The following ABCD3 variants were observed in gnomAD, a reference collection of about 807,000 sequenced individuals.
ABCD3 encodes the protein ATP-binding cassette sub-family D member 3.
Under a neutral mutation model 105.5 loss-of-function variants are expected in ABCD3, and 41 were observed. The observed-to-expected ratio is 0.39, with a 90% CI of 0.30 to 0.50. The LOEUF is 0.50. ABCD3 is among the 20% of genes least tolerant of loss of function. The probability of loss-of-function intolerance (pLI) is 0.84; values close to 1 mark genes in which losing one functional copy is unlikely to be tolerated. For synonymous variants in ABCD3, 258 were observed against 269.0 expected (o/e 0.96, Z 0.40); for missense variants, 622 against 806.3 (o/e 0.77, Z 2.77).
chr1:94,465,567 C>T (rs576383006), intron 3 of ABCD3, among the ~76,000 whole-genome samples: 2 of 152,208 alleles, frequency 1.3e-5, no homozygotes, highest in South Asian at 4.2e-4. Context: ...TAGTTAAATA[C>T]TGTTGATAAA....
At chr1:94,431,637 T>C (rs565813685) in intron 1 of ABCD3, among the ~76,000 whole-genome samples, 3 of 152,306 alleles carry the variant, frequency 2.0e-5, no homozygotes, top group Non-Finnish European at 4.4e-5. Flanking sequence ...CATGGCTCAC[T>C]GCAGCCTTGA....
In ABCD3 at chr1:94,518,244, ATTAT is replaced by A. The variant is rs1651017282; in HGVS notation, c.*1118_*1121del. Reference sequence around the variant, plus strand: ...CAAATCATCATTAATGACTTTATGTATTATTTGCACAGGGAGAATTGAAACTGAG... The same window carrying A: ...CAAATCATCATTAATGACTTTATGTATTGCACAGGGAGAATTGAAACTGAG... On this transcript the variant is annotated 3_prime_UTR_variant, in exon 23 of 23. Transcript: ENST00000370214. 1 of 152,264 alleles carries A rather than the reference ATTAT, an allele frequency of 6.6e-6. No individual in the cohort carries two copies. The highest frequency in any genetic ancestry group is 1.5e-5 in the Non-Finnish European group (1 of 67,822). 9.4% of individuals were successfully genotyped at this position (152,264 alleles called of 1,614,324 possible). A position where few individuals can be genotyped will look rare whatever the true frequency, so the allele number is the denominator to read the frequency against.
chr1:94,445,171 G>A (rs1346148575), intron 1 of ABCD3, among the ~76,000 whole-genome samples: 3 of 152,102 alleles, frequency 2.0e-5, no homozygotes, highest in Non-Finnish European at 2.9e-5. Context: ...CTCTGTTTGG[G>A]GCTCTCAGCT....
intron 2 of ABCD3, 41 bp from the exon 3 acceptor site, chr1:94,464,734 T>G (rs770731002): frequency 8.0e-6 from 12 of 1,493,584 alleles, no homozygotes; most frequent in Non-Finnish European, 1.1e-5. Context: ...ATGATATGTT[T>G]GTTATAGCTA....
chr1:94,475,544 T>A, intron 6 of ABCD3, 70 bp from the exon 7 acceptor site: 4 of 1,509,314 alleles, frequency 2.7e-6, no homozygotes, highest in East Asian at 2.3e-5. Flanking sequence ...TGGTGTAATA[T>A]GATTTTTTTG....
At chr1:94,485,039 A>C (rs1349588794) in intron 10 of ABCD3, among the ~76,000 whole-genome samples, 1 of 152,194 alleles carries the variant, frequency 6.6e-6, no homozygotes, top group African/African-American at 2.4e-5. Flanking sequence ...ATAATACATG[A>C]ATGAGTGGGT....
Position 94,464,669 on chromosome 1 carries a change from T to G in ABCD3, c.148-106T>G, listed in dbSNP as rs1648047627. The stretch of plus-strand genomic sequence containing the variant: ...CAAGTCTGTGTTTTGTAAATTCAGT[T>G]TTTATCTTGATAGCTGTTTATGTTG... On this transcript the variant is annotated intron_variant, in intron 2 of 22. Transcript: ENST00000370214. The G allele has an allele frequency of 3.7e-5, 37 of 994,454 alleles. No individual in the cohort carries two copies. The South Asian group carries it at 4.8e-4, about 13-fold the overall frequency. 61.6% of individuals were successfully genotyped at this position (994,454 alleles called of 1,614,324 possible). A position where few individuals can be genotyped will look rare whatever the true frequency, so the allele number is the denominator to read the frequency against.
the ABCD3 span, among the ~76,000 whole-genome samples, chr1:94,386,482 T>C: frequency 6.6e-6 from 1 of 152,264 alleles, no homozygotes; most frequent in Non-Finnish European, 1.5e-5. Flanking sequence ...ATATATTTGC[T>C]ACTTATTATT....
chr1:94,497,646 G>T (rs1238546050), intron 16 of ABCD3, among the ~76,000 whole-genome samples: 1 of 152,110 alleles, frequency 6.6e-6, no homozygotes, highest in African/African-American at 2.4e-5. Context: ...TATTTATAGT[G>T]CACATATATT....
In ABCD3 at chr1:94,454,742, C is replaced by T. The variant is rs139713994; in HGVS notation, c.111-3865C>T. Among the ~76,000 whole-genome samples the T allele has an allele frequency of 3.6e-3, 556 of 152,330 alleles. 1 individual carries two copies. The highest frequency in any genetic ancestry group is 0.013 in the African/African-American group (530 of 41,570). ...TCTTGGCCCACTGCAACCTCTGCCT[C>T]CAGGGTTCAAGCCATTCTTCTGCCT... is the stretch of plus-strand genomic sequence containing the variant. On this transcript the variant is annotated intron_variant, in intron 1 of 22. Coordinates refer to ENST00000370214, the MANE Select transcript of ABCD3 (RefSeq NM_002858.4).
At chr1:94,446,150 T>C (rs906515466) in intron 1 of ABCD3, among the ~76,000 whole-genome samples, 12 of 152,218 alleles carry the variant, frequency 7.9e-5, no homozygotes, top group African/African-American at 2.9e-4. Flanking sequence ...ATTGGGCTAA[T>C]TGGTGTCACT....
the ABCD3 span, among the ~76,000 whole-genome samples, chr1:94,388,307 A>G: frequency 2.0e-5 from 3 of 152,188 alleles, no homozygotes; most frequent in African/African-American, 7.2e-5. Flanking sequence ...ACAAAGATAT[A>G]TTGTTGCATG....
chr1:94,414,707 C>T (rs1016276370), upstream of ABCD3, among the ~76,000 whole-genome samples: 6 of 152,208 alleles, frequency 3.9e-5, no homozygotes, highest in Non-Finnish European at 7.3e-5. Flanking sequence ...CCCTCAGCCT[C>T]CATCCACATC....
chr1:94,464,694 G>T (rs1648048575), intron 2 of ABCD3, 81 bp from the exon 3 acceptor site: 1 of 1,229,434 alleles, frequency 8.1e-7, no homozygotes, highest in South Asian at 1.2e-5. Flanking sequence ...TGTTTATGTT[G>T]ACTTAGATGA....
the ABCD3 span, among the ~76,000 whole-genome samples, chr1:94,397,378 C>T: frequency 1.3e-5 from 2 of 152,228 alleles, no homozygotes; most frequent in South Asian, 4.1e-4. Flanking sequence ...GCTGTGACTC[C>T]TCAGCCTCCT....
At chr1:94,424,812 A>G (rs1179022803) in intron 1 of ABCD3, among the ~76,000 whole-genome samples, 1 of 152,200 alleles carries the variant, frequency 6.6e-6, no homozygotes, top group Admixed American at 6.5e-5. Flanking sequence ...TTACATATTT[A>G]TCTTGTCTGT....
chr1:94,474,563 CTT>C (rs1163023110), intron 5 of ABCD3, among the ~76,000 whole-genome samples: 1 of 151,922 alleles, frequency 6.6e-6, no homozygotes, highest in Non-Finnish European at 1.5e-5. Context: ...AGCTTTTAGA[CTT>C]TTTAAAATAA....
At chr1:94,413,950 C>T (rs1378512051), upstream of ABCD3, among the ~76,000 whole-genome samples, 3 of 152,066 alleles carry the variant, frequency 2.0e-5, no homozygotes, top group South Asian at 2.1e-4. Flanking sequence ...AGACCATGAA[C>T]GCTTCGTTTT....
intron 1 of ABCD3, 124 bp downstream of exon 1, chr1:94,418,712 G>A: frequency 8.2e-6 from 8 of 977,888 alleles, no homozygotes; most frequent in Non-Finnish European, 1.2e-5. Flanking sequence ...AGGGCCGACC[G>A]CGACTGCCGT....
Sources: gnomAD v4.1 joint callset for allele counts (sites outside exome capture counted in the v4.1 genomes callset) on GRCh38, gnomAD v4.1.1 for gene constraint, MANE v1.5 for transcripts, NCBI Gene and HGNC (gene_info 2026-07-23, HGNC 2026-07-21) for gene names.